STUM: variants seen among roughly 807,000 people sequenced by gnomAD.
The protein encoded by STUM is stum, mechanosensory transduction mediator homolog.
A neutral mutation model predicts 15.3 loss-of-function variants in STUM; 8 were observed. That is an observed-to-expected ratio of 0.52 (90% CI 0.31 to 0.94). STUM has a LOEUF of 0.94. Ranked by LOEUF, STUM falls within the 40% of genes least tolerant of loss-of-function variation. The pLI is 0.05. For synonymous variants in STUM, 78 were observed against 88.7 expected, an observed-to-expected ratio of 0.88 and a Z score of 0.68; for missense variants, 142 against 204.9, an observed-to-expected ratio of 0.69 and a Z score of 1.87.
chr1:226,549,254 G>C lies in STUM; in HGVS notation c.202+148G>C. 3.0e-6 allele frequency: 2 copies of C among 675,268 alleles called. No homozygotes were observed. The highest frequency in any genetic ancestry group is 2.2e-5 in the South Asian group (1 of 46,466). The allele number at this position is 675,268 out of a possible 1,614,324, so 41.8% of individuals were successfully genotyped here. On this transcript the variant is annotated intron_variant, in intron 1 of 3. Transcript: ENST00000366788. The surrounding 1 kb of genome is among the most constrained non-coding windows in gnomAD (Gnocchi z 6.8). ...GCCACCGCCCGCTCCTGGCGTCCCC[G>C]GGCAGGTGGCAGAAGCGCGTGGAGT...
intron 1 of STUM, among the ~76,000 whole-genome samples, chr1:226,553,086 T>A (rs1178720228): frequency 6.6e-6 from 1 of 152,214 alleles, no homozygotes; most frequent in African/African-American, 2.4e-5. Flanking sequence ...TTCCTGAAGA[T>A]GTTTTTCAAC....
chr1:226,583,315 C>G (rs1398330990), intron 1 of STUM, among the ~76,000 whole-genome samples: 1 of 152,144 alleles, frequency 6.6e-6, no homozygotes, highest in African/African-American at 2.4e-5. Context: ...GGTTAATGTA[C>G]CATTCATTCT....
In STUM at chr1:226,600,680, T is replaced by A. The variant is rs1256506600; in HGVS notation, c.391+6T>A. 6.2e-7 allele frequency: 1 copy of A among 1,610,828 alleles called. No homozygotes were observed. The highest frequency in any genetic ancestry group is 1.1e-5 in the South Asian group (1 of 91,078). On this transcript the variant is annotated splice_donor_region_variant and intron_variant, in intron 3 of 3. Coordinates refer to ENST00000366788, the MANE Select transcript of STUM (RefSeq NM_001003665.4). This position sits in a 1 kb window ranked among gnomAD's most constrained non-coding sequence, Gnocchi z 5.2. ...TGCTGCTGCAGTTTCCCAAGGTGAG[T>A]CTGCGGATGGACGTGCGGGCCTCGT...
chr1:226,556,855 A>G (rs1667454220), intron 1 of STUM, among the ~76,000 whole-genome samples: 1 of 152,252 alleles, frequency 6.6e-6, no homozygotes, highest in African/African-American at 2.4e-5. Flanking sequence ...TTGTAAATTG[A>G]CAATTTCTAA....
Position 226,603,520 on chromosome 1 carries a change from A to G in STUM, c.*1480A>G, listed in dbSNP as rs1323842390. 2 of 152,240 alleles carry G rather than the reference A, an allele frequency of 1.3e-5. No homozygotes were observed. The highest frequency in any genetic ancestry group is 1.3e-4 in the Admixed American group (2 of 15,282). 9.4% of individuals were successfully genotyped at this position (152,240 alleles called of 1,614,324 possible). A position where few individuals can be genotyped will look rare whatever the true frequency, so the allele number is the denominator to read the frequency against. On this transcript the variant is annotated 3_prime_UTR_variant, in exon 4 of 4. Transcript: ENST00000366788. ...TTCTGACTCCACTTGACACAGTGCC[A>G]TTGGGCATGTCCCTCTCTGAAGGGC...
chr1:226,600,613 C>T lies in STUM; in HGVS notation c.383-53C>T. 6.2e-7 allele frequency: 1 copy of T among 1,607,228 alleles called. No homozygotes were observed. Among genetic ancestry groups the T allele is most frequent in the Non-Finnish European group, 8.5e-7 (1 of 1,178,418 alleles). Reference sequence around the variant, plus strand: ...GCTCTGTTTTCAGGCTGTGTTTTCTCTTCTTCTCTCTCTCCTCTTCCTCCT... The same window carrying T: ...GCTCTGTTTTCAGGCTGTGTTTTCTTTTCTTCTCTCTCTCCTCTTCCTCCT... On this transcript the variant is annotated intron_variant, in intron 2 of 3. Transcript: ENST00000366788. This position sits in a 1 kb window ranked among gnomAD's most constrained non-coding sequence, Gnocchi z 5.2.
intron 1 of STUM, among the ~76,000 whole-genome samples, chr1:226,574,847 C>T (rs1050762758): frequency 1.7e-4 from 26 of 152,068 alleles, no homozygotes; most frequent in Admixed American, 1.5e-3. Context: ...GCCCAGAGGG[C>T]GTGTCTCGGG....
Position 226,552,659 on chromosome 1 carries a change from T to C in STUM, c.202+3553T>C, listed in dbSNP as rs1447188049. Among the ~76,000 whole-genome samples, 1 of 152,182 alleles carries C rather than the reference T, an allele frequency of 6.6e-6. No homozygotes were observed. The stretch of plus-strand genomic sequence containing the variant: ...ACTCAGGACATCAGATAGGGACAAT[T>C]TATCCCTAACACACTGCCTACTCTT... On this transcript the variant is annotated intron_variant, in intron 1 of 3. Transcript: ENST00000366788. The surrounding 1 kb of genome is among the most constrained non-coding windows in gnomAD (Gnocchi z 4.7).
At chr1:226,573,367 T>A (rs1048174035) in intron 1 of STUM, among the ~76,000 whole-genome samples, 5 of 152,184 alleles carry the variant, frequency 3.3e-5, no homozygotes, top group Admixed American at 1.3e-4. Context: ...CAGTTAAAAG[T>A]GTTAGAAAAC....
At chr1:226,578,709 C>T (rs1326215784) in intron 1 of STUM, among the ~76,000 whole-genome samples, 1 of 152,102 alleles carries the variant, frequency 6.6e-6, no homozygotes, top group East Asian at 1.9e-4. Context: ...GAGTCTGACT[C>T]GGTGAAGGCC....
intron 1 of STUM, among the ~76,000 whole-genome samples, chr1:226,558,601 G>A (rs768961980): frequency 6.6e-6 from 1 of 152,166 alleles, no homozygotes; most frequent in Non-Finnish European, 1.5e-5. Flanking sequence ...CCTGTGCGAG[G>A]GATGCGTCTC....
At chr1:226,589,512 C>A (rs1199167851) in intron 1 of STUM, among the ~76,000 whole-genome samples, 1 of 152,194 alleles carries the variant, frequency 6.6e-6, no homozygotes, top group Non-Finnish European at 1.5e-5. Flanking sequence ...CAGGGCTCAG[C>A]TCTGCTTGTG....
At position 226,606,773 on chromosome 1, in the gene STUM, T is replaced by G. The variant is rs1668366432; in HGVS notation, c.*4733T>G. The G allele has an allele frequency of 6.6e-6, 1 of 152,250 alleles. No homozygotes were observed. Among genetic ancestry groups the G allele is most frequent in the Non-Finnish European group, 1.5e-5 (1 of 68,078 alleles). 9.4% of individuals were successfully genotyped at this position (152,250 alleles called of 1,614,324 possible). A position where few individuals can be genotyped will look rare whatever the true frequency, so the allele number is the denominator to read the frequency against. On this transcript the variant is annotated 3_prime_UTR_variant, in exon 4 of 4. Transcript: ENST00000366788. Reference sequence around the variant, plus strand: ...ACCCTCCCAGGAAAGAAGCCGGGCCTCAGGCTGAGGAAAAACAGAGTTTCC... The same window carrying G: ...ACCCTCCCAGGAAAGAAGCCGGGCCGCAGGCTGAGGAAAAACAGAGTTTCC...
chr1:226,588,297 T>G (rs899233172), intron 1 of STUM, among the ~76,000 whole-genome samples: 2 of 152,216 alleles, frequency 1.3e-5, no homozygotes, highest in Non-Finnish European at 2.9e-5. Context: ...CCTGCGCTGA[T>G]ATGCCCTTTG....
Position 226,574,912 on chromosome 1 carries a change from C to T in STUM, c.203-21890C>T, listed in dbSNP as rs114303289. Among the ~76,000 whole-genome samples, 504 of 152,262 alleles carry T rather than the reference C, an allele frequency of 3.3e-3. 3 individuals carry two copies. The highest frequency in any genetic ancestry group is 3.6e-3 in the Non-Finnish European group (247 of 68,022). On this transcript the variant is annotated intron_variant, in intron 1 of 3. Transcript: ENST00000366788. The stretch of plus-strand genomic sequence containing the variant: ...ACAACCCCTCAGAGGAAAGGCCCAC[C>T]CCAACTCATGGGGAACAAGCAAACC...
intron 1 of STUM, among the ~76,000 whole-genome samples, chr1:226,574,529 C>A (rs1334254688): frequency 2.0e-5 from 3 of 152,204 alleles, no homozygotes; most frequent in Non-Finnish European, 4.4e-5. Flanking sequence ...TGTGACAGGG[C>A]AATGAGACGC....
At chr1:226,597,211 G>C (rs745834451) in intron 2 of STUM, among the ~76,000 whole-genome samples, 1 of 152,242 alleles carries the variant, frequency 6.6e-6, no homozygotes, top group Non-Finnish European at 1.5e-5. Context: ...TGGCAGGAGA[G>C]TTCCATCATT....
At position 226,549,158 on chromosome 1, in the gene STUM, C is replaced by A. The variant is rs1167762258; in HGVS notation, c.202+52C>A. ...CGACCCCCACCCCGCCGCGGGAGGGCGTGGGGGGAGAGAAGGGCGCGGCCG... is the reference window on the plus strand; with the variant it reads ...CGACCCCCACCCCGCCGCGGGAGGGAGTGGGGGGAGAGAAGGGCGCGGCCG... On this transcript the variant is annotated intron_variant, in intron 1 of 3. Coordinates refer to ENST00000366788, the MANE Select transcript of STUM (RefSeq NM_001003665.4). The surrounding 1 kb of genome is among the most constrained non-coding windows in gnomAD (Gnocchi z 6.8). The A allele has an allele frequency of 3.4e-6, 5 of 1,483,828 alleles. 1 individual carries two copies. The South Asian group carries it at 6.1e-5, about 18-fold the overall frequency. 91.9% of individuals were successfully genotyped at this position (1,483,828 alleles called of 1,614,324 possible).
intron 1 of STUM, among the ~76,000 whole-genome samples, chr1:226,584,424 TCA>T (rs1334015864): frequency 1.3e-5 from 2 of 152,210 alleles, no homozygotes; most frequent in African/African-American, 4.8e-5. Flanking sequence ...TTATTAGAGT[TCA>T]GTTTTAAGAG....
Sources: gnomAD v4.1 joint callset for allele counts (sites outside exome capture counted in the v4.1 genomes callset) on GRCh38, gnomAD v4.1.1 for gene constraint, Gnocchi (gnomAD v3.1) non-coding constraint, MANE v1.5 for transcripts, NCBI Gene and HGNC (gene_info 2026-07-23, HGNC 2026-07-21) for gene names.